Variants in TRIOBP observed in about 807,000 individuals in gnomAD.
TRIOBP encodes TRIO and F-actin binding protein.
TRIOBP carries 169 observed loss-of-function variants against 238.8 expected under a neutral mutation model. That is an observed-to-expected ratio of 0.71 (90% confidence interval 0.62 to 0.80). TRIOBP has a LOEUF of 0.80. TRIOBP is among the 30% of genes least tolerant of loss of function. TRIOBP has a pLI of 0.00. For missense variants in TRIOBP, 2,838 were observed against 3,122.6 expected (o/e 0.91, Z 2.17); for synonymous variants, 1,150 against 1,274.4 (o/e 0.90, Z 2.08).
At chr22:37,704,165 G>A (rs968292291) in intron 3 of TRIOBP, among the ~76,000 whole-genome samples, 1 of 152,040 alleles carries the variant, frequency 6.6e-6, no homozygotes, top group Non-Finnish European at 1.5e-5. Context: ...CAAGGTGGGT[G>A]GATCACTTGG....
intron 11 of TRIOBP, among the ~76,000 whole-genome samples, chr22:37,747,575 C>T (rs896504242): frequency 2.0e-5 from 3 of 152,212 alleles, no homozygotes; most frequent in African/African-American, 7.2e-5. Context: ...TCCCTGCTGG[C>T]CCTTCCTGTC....
At chr22:37,751,742 CA>C in intron 11 of TRIOBP, 29 bp from the exon 12 acceptor site, 1 of 1,613,898 alleles carries the variant, frequency 6.2e-7, no homozygotes, top group Non-Finnish European at 8.5e-7. Flanking sequence ...CTGCTGGACC[CA>C]ACTCACCTCC....
intron 6 of TRIOBP, among the ~76,000 whole-genome samples, chr22:37,717,740 C>T (rs1300156395): frequency 6.6e-6 from 1 of 152,240 alleles, no homozygotes; most frequent in Non-Finnish European, 1.5e-5. Context: ...TAAAGGTTCT[C>T]CAAGTTCCCA....
intron 6 of TRIOBP, among the ~76,000 whole-genome samples, chr22:37,718,079 C>T (rs1172519164): frequency 6.6e-6 from 1 of 152,188 alleles, no homozygotes; most frequent in Non-Finnish European, 1.5e-5. Context: ...AGCCGCTGGC[C>T]CAGGTGCTAA....
At chr22:37,765,596 C>A in intron 17 of TRIOBP, 74 bp from the exon 18 acceptor site, 1 of 1,542,788 alleles carries the variant, frequency 6.5e-7, no homozygotes, top group Non-Finnish European at 8.7e-7. Context: ...TGAGCCTTCT[C>A]CTCTGGAGGC....
At position 37,758,065 on chromosome 22, in the gene TRIOBP, C is replaced by T; in HGVS notation, c.6140C>T (p.Thr2047Ile). 2 of 1,611,798 alleles carry T rather than the reference C, an allele frequency of 1.2e-6. No homozygotes were observed. The highest frequency in any genetic ancestry group is 2.2e-5 in the East Asian group (1 of 44,876). ...PLRENKRVPL[T>I]ALLNQSRGER... is the part of the protein sequence containing the mutation. ...CGGGAGAATAAGCGGGTGCCCCTCA[C>T]TGCCCTGCTCAACCAAAGCCGCGGA... The change falls in exon 16 of 24, where the codon ACT (threonine) becomes ATT (isoleucine). Residue 2047 changes from threonine (T) to isoleucine (I), a missense_variant. By Grantham distance (89) the Thr-to-Ile change is moderately conservative. This residue lies in a region of TRIOBP where 2,096 missense variants were observed against 2,137.4 expected (regional missense o/e 0.98). Transcript: ENST00000644935.
chr22:37,772,539 G>A (rs1926835185), intron 22 of TRIOBP, 62 bp from the exon 23 acceptor site: 1 of 1,611,526 alleles, frequency 6.2e-7, no homozygotes, highest in Non-Finnish European at 8.5e-7. Context: ...CTGCCCATGT[G>A]CCCGGTTGGC....
At chr22:37,713,586 G>A (rs967624702) in intron 5 of TRIOBP, among the ~76,000 whole-genome samples, 175 bp downstream of exon 5, 1 of 152,226 alleles carries the variant, frequency 6.6e-6, no homozygotes, top group Non-Finnish European at 1.5e-5. Flanking sequence ...GGAGAGTGGG[G>A]ATTTCTGCAC....
At chr22:37,722,967 A>G (rs527553030) in intron 6 of TRIOBP, among the ~76,000 whole-genome samples, 1 of 152,286 alleles carries the variant, frequency 6.6e-6, no homozygotes, top group South Asian at 2.1e-4. Context: ...TCAGGGTCTC[A>G]ATTTCAAATT....
chr22:37,734,681 A>G lies in TRIOBP; in HGVS notation c.4345A>G (p.Ser1449Gly). 6.2e-7 allele frequency: 1 copy of G among 1,604,070 alleles called. No homozygotes were observed. The highest frequency in any genetic ancestry group is 8.5e-7 in the Non-Finnish European group (1 of 1,175,820). ...TAGACACCTAGAAAGGAGCTGGAGC[A>G]GCCAGGAGGGAGGCCTGGGCCCTGG... ...PHRHLERSWS[S>G]QEGGLGPGGW... The change falls in exon 9 of 24, where the codon AGC (serine) becomes GGC (glycine). Residue 1449 changes from serine to glycine, a missense_variant. Coordinates refer to ENST00000644935, the MANE Select transcript of TRIOBP (RefSeq NM_001039141.3).
Position 37,723,544 on chromosome 22 carries a change from C to T in TRIOBP, c.988C>T (p.Pro330Ser), listed in dbSNP as rs200747544. Residue 330 changes from proline (P) to serine (S), a missense_variant, in exon 7 of 24, where the codon CCC (proline) becomes TCC (serine). This residue lies in a region of TRIOBP where 535 missense variants were observed against 537.3 expected (regional missense o/e 1.00). Coordinates refer to ENST00000644935, the MANE Select transcript of TRIOBP (RefSeq NM_001039141.3). ...PRASSTQEDT[P>S]RASSTQWNTP... Reference sequence around the variant, plus strand: ...GGCCTCATCCACCCAAGAGGACACCCCCAGGGCCTCATCTACACAGTGGAA... The same window carrying T: ...GGCCTCATCCACCCAAGAGGACACCTCCAGGGCCTCATCTACACAGTGGAA... 5 of 1,613,754 alleles carry T rather than the reference C, an allele frequency of 3.1e-6. No individual in the cohort carries two copies. The highest frequency in any genetic ancestry group is 1.6e-4 in the Middle Eastern group (1 of 6,062).
At chr22:37,743,828 T>TGTGCTGG (rs1164447922) in intron 11 of TRIOBP, among the ~76,000 whole-genome samples, 1 of 124,596 alleles carries the variant, frequency 8.0e-6, no homozygotes, top group African/African-American at 3.4e-5. Flanking sequence ...TGTGTGTGTG[T>TGTGCTGG]GTGTGTGTGT....
intron 14 of TRIOBP, 55 bp from the exon 15 acceptor site, chr22:37,755,495 G>A: frequency 6.7e-7 from 1 of 1,498,706 alleles, no homozygotes; most frequent in South Asian, 1.1e-5. Context: ...TCCATAGTGG[G>A]GAGGGAGTCA....
intron 8 of TRIOBP, 57 bp downstream of exon 8, chr22:37,733,469 C>T (rs1924521125): frequency 1.0e-5 from 14 of 1,344,148 alleles, no homozygotes; most frequent in Admixed American, 2.0e-5. Flanking sequence ...ACTGCCTCTT[C>T]CCTCCCGCTA....
At chr22:37,701,615 A>G (rs1338922524) in intron 3 of TRIOBP, 136 bp downstream of exon 3, 3 of 674,294 alleles carry the variant, frequency 4.4e-6, no homozygotes, top group Non-Finnish European at 5.4e-6. Context: ...GTTTTCCCAC[A>G]TTGCAGGGAA....
At chr22:37,764,214 C>T (rs760903771) in intron 17 of TRIOBP, among the ~76,000 whole-genome samples, 20 of 152,242 alleles carry the variant, frequency 1.3e-4, no homozygotes, top group Non-Finnish European at 2.9e-4. Context: ...GATGTAGTCA[C>T]AGATCCTGGG....
At chr22:37,741,190 C>A (rs1391659606) in intron 11 of TRIOBP, among the ~76,000 whole-genome samples, 158 bp downstream of exon 11, 3 of 152,182 alleles carry the variant, frequency 2.0e-5, no homozygotes, top group Non-Finnish European at 4.4e-5. Context: ...AGCTCTTAAG[C>A]TCATCCTGGT....
chr22:37,760,829 C>T (rs766728164), intron 17 of TRIOBP, among the ~76,000 whole-genome samples: 7 of 151,952 alleles, frequency 4.6e-5, no homozygotes, highest in Non-Finnish European at 7.4e-5. Flanking sequence ...AAAAAATAGC[C>T]GGGCGTGGTG....
intron 9 of TRIOBP, among the ~76,000 whole-genome samples, chr22:37,737,984 G>A (rs1924754401): frequency 6.6e-6 from 1 of 152,178 alleles, no homozygotes; most frequent in African/African-American, 2.4e-5. Flanking sequence ...CACACAGGCA[G>A]GATCTCTACC....
Sources: allele counts gnomAD v4.1 joint callset (sites outside exome capture counted in the v4.1 genomes callset), GRCh38; gene constraint gnomAD v4.1.1; regional missense constraint gnomAD v4.1.1; transcripts MANE v1.5; gene names NCBI Gene and HGNC (gene_info 2026-07-23, HGNC 2026-07-21).